The following CDH23 variants were observed in gnomAD, a reference collection of about 807,000 sequenced individuals.
CDH23 encodes the protein cadherin-23.
A neutral mutation model predicts 317.1 loss-of-function variants in CDH23; 189 were observed. That is an observed-to-expected ratio of 0.60 (90% CI 0.53 to 0.67). The LOEUF is 0.67. Ranked by LOEUF, CDH23 falls within the 30% of genes least tolerant of loss-of-function variation. The pLI, the probability that CDH23 is intolerant of heterozygous loss-of-function variation, is 0.00. For missense variants in CDH23, 4,401 were observed against 4,592.4 expected (o/e 0.96, Z 1.20); for synonymous variants, 1,839 against 1,876.8 (o/e 0.98, Z 0.52).
chr10:71,569,127 G>T (rs1421600723), intron 7 of CDH23, among the ~76,000 whole-genome samples: 2 of 152,310 alleles, frequency 1.3e-5, no homozygotes, highest in South Asian at 2.1e-4. Context: ...AGCCTGCCGT[G>T]TGGGCCCCAG....
At chr10:71,478,119 G>T (rs1032870126) in intron 3 of CDH23, among the ~76,000 whole-genome samples, 1 of 152,246 alleles carries the variant, frequency 6.6e-6, no homozygotes, top group Non-Finnish European at 1.5e-5. Flanking sequence ...CTACATGTCT[G>T]CCAAAAGAAT....
At chr10:71,589,861 G>A (rs751633212) in intron 9 of CDH23, among the ~76,000 whole-genome samples, 5 of 152,304 alleles carry the variant, frequency 3.3e-5, no homozygotes, top group South Asian at 2.1e-4. Context: ...GTGTGGGAAC[G>A]GACCTAAATG....
intron 3 of CDH23, among the ~76,000 whole-genome samples, chr10:71,460,630 A>G (rs1261044762): frequency 6.6e-6 from 1 of 152,062 alleles, no homozygotes; most frequent in African/African-American, 2.4e-5. Flanking sequence ...TGTCTCCCAC[A>G]CTCTGGAGTG....
intron 34 of CDH23, among the ~76,000 whole-genome samples, chr10:71,737,002 C>T (rs1839584786): frequency 6.6e-6 from 1 of 152,086 alleles, no homozygotes; most frequent in Non-Finnish European, 1.5e-5. Flanking sequence ...GCACAAAAGC[C>T]CTGTGGTGTG....
intron 9 of CDH23, among the ~76,000 whole-genome samples, chr10:71,593,125 A>T (rs1345755858): frequency 6.6e-6 from 1 of 152,262 alleles, no homozygotes; most frequent in African/African-American, 2.4e-5. Flanking sequence ...ACACTTTCAA[A>T]GATAGACAGA....
Position 71,616,457 on chromosome 10 carries a change from T to A in CDH23, c.946-748T>A, listed in dbSNP as rs1455146727. 1.3e-5 allele frequency among the ~76,000 whole-genome samples: 2 copies of A among 152,334 alleles called. 1 individual carries two copies. The highest frequency in any genetic ancestry group is 6.8e-3 in the Middle Eastern group (2 of 294). ...TTCCCTCCTGTCTGCTCTCCTGCCATGGAAGTGAGGTGGTCAGCTCTACCA... is the reference window on the plus strand; with the variant it reads ...TTCCCTCCTGTCTGCTCTCCTGCCAAGGAAGTGAGGTGGTCAGCTCTACCA... On this transcript the variant is annotated intron_variant, in intron 10 of 69. Coordinates refer to ENST00000224721, the MANE Select transcript of CDH23 (RefSeq NM_022124.6).
intron 14 of CDH23, among the ~76,000 whole-genome samples, chr10:71,671,019 G>A (rs1178915921): frequency 6.6e-6 from 1 of 150,710 alleles, no homozygotes; most frequent in Non-Finnish European, 1.5e-5. Context: ...GAGTGCAGTG[G>A]TGCAATCTCG....
intron 16 of CDH23, among the ~76,000 whole-genome samples, chr10:71,678,345 A>G (rs545712190): frequency 6.6e-6 from 1 of 152,132 alleles, no homozygotes; most frequent in Non-Finnish European, 1.5e-5. Context: ...GCCCACGAAG[A>G]CATAGTCGGG....
chr10:71,407,827 G>C (rs1848175031), intron 1 of CDH23, among the ~76,000 whole-genome samples: 1 of 152,202 alleles, frequency 6.6e-6, no homozygotes, highest in African/African-American at 2.4e-5. Flanking sequence ...AGACTTTAGT[G>C]ATAGTCCTTT....
At chr10:71,695,383 G>T in intron 21 of CDH23, 35 bp from the exon 22 acceptor site, 1 of 1,463,320 alleles carries the variant, frequency 6.8e-7, no homozygotes, top group East Asian at 2.3e-5. Context: ...CATCTCAGCT[G>T]GGTGTGTCTC....
intron 11 of CDH23, among the ~76,000 whole-genome samples, chr10:71,621,410 C>G (rs1333159645): frequency 6.6e-6 from 1 of 152,228 alleles, no homozygotes; most frequent in Non-Finnish European, 1.5e-5. Flanking sequence ...CCTGATTGCA[C>G]TGAATGGTGC....
chr10:71,771,620 A>G (rs1564785995), intron 38 of CDH23, among the ~76,000 whole-genome samples: 1 of 152,182 alleles, frequency 6.6e-6, no homozygotes, highest in African/African-American at 2.4e-5. Flanking sequence ...GAGCAATTCA[A>G]ATGCTTCTGG....
chr10:71,734,097 G>A, intron 32 of CDH23, 143 bp from the exon 33 acceptor site: 4 of 716,628 alleles, frequency 5.6e-6, no homozygotes, highest in Non-Finnish European at 7.4e-6. Flanking sequence ...ATGTGAGAGA[G>A]AAGAAGGAAT....
At chr10:71,614,550 A>G (rs1319098782) in intron 9 of CDH23, among the ~76,000 whole-genome samples, 3 of 152,232 alleles carry the variant, frequency 2.0e-5, no homozygotes, top group African/African-American at 7.2e-5. Flanking sequence ...AAAGGTCTCC[A>G]TCTTCAGAGG....
Position 71,615,569 on chromosome 10 carries a change from G to A in CDH23, c.898G>A (p.Asp300Asn). Residue 300 changes from aspartate to asparagine, a missense_variant, in exon 10 of 70, where the codon GAC (aspartate) becomes AAC (asparagine). Around this residue, in one of 3 missense-constraint regions of CDH23, gnomAD observed 3,068 missense variants for 3,203.3 expected, o/e 0.96. Coordinates refer to ENST00000224721, the MANE Select transcript of CDH23 (RefSeq NM_022124.6). ...SGVLTLNGLLDRENPLYSHGF... is the reference protein window; with the variant it reads ...SGVLTLNGLLNRENPLYSHGF... Reference sequence around the variant, plus strand: ...AGTGCTGACCTTGAATGGCCTGCTGGACCGGGAGAACCCCCTGTACAGCCA... The same window carrying A: ...AGTGCTGACCTTGAATGGCCTGCTGAACCGGGAGAACCCCCTGTACAGCCA... The A allele has an allele frequency of 6.2e-7, 1 of 1,613,974 alleles. No individual in the cohort carries two copies. The highest frequency in any genetic ancestry group is 8.5e-7 in the Non-Finnish European group (1 of 1,179,890).
chr10:71,525,053 G>A (rs184887533), intron 6 of CDH23, among the ~76,000 whole-genome samples: 31 of 152,194 alleles, frequency 2.0e-4, no homozygotes, highest in South Asian at 6.2e-4. Flanking sequence ...GATTACAGGC[G>A]TGCACCACCA....
At chr10:71,761,510 T>G (rs1840383605) in intron 38 of CDH23, 1 of 1,407,900 alleles carries the variant, frequency 7.1e-7, no homozygotes, top group South Asian at 1.5e-5. Context: ...AGCCTCACAC[T>G]CTGCCCAGCA....
chr10:71,505,257 T>C (rs1209902338), intron 3 of CDH23, among the ~76,000 whole-genome samples: 1 of 152,118 alleles, frequency 6.6e-6, no homozygotes. Context: ...TCTTGAGAGG[T>C]GCCAAAGCTG....
At chr10:71,495,883 G>A (rs955514093) in intron 3 of CDH23, among the ~76,000 whole-genome samples, 1 of 151,882 alleles carries the variant, frequency 6.6e-6, no homozygotes, top group African/African-American at 2.4e-5. Flanking sequence ...CTAGGACCTG[G>A]ACTCATGGAA....
Sources: allele counts gnomAD v4.1 joint callset (sites outside exome capture counted in the v4.1 genomes callset), GRCh38; gene constraint gnomAD v4.1.1; regional missense constraint gnomAD v4.1.1; transcripts MANE v1.5; gene names NCBI Gene and HGNC (gene_info 2026-07-23, HGNC 2026-07-21).